The following ADPRHL1 variants were observed in gnomAD, a reference collection of about 807,000 sequenced individuals.
The protein encoded by ADPRHL1 is inactive ADP-ribosyltransferase ARH2.
Under a neutral mutation model 44.1 loss-of-function variants are expected in ADPRHL1, and 43 were observed. That is an observed-to-expected ratio of 0.98 (90% CI 0.76 to 1.26). The LOEUF (loss-of-function observed/expected upper bound fraction) is 1.26, where lower values mean the gene tolerates loss of function less well. Among genes scored for constraint, ADPRHL1 ranks in the 50% most tolerant of loss-of-function variants. The pLI is 0.00. For missense variants in ADPRHL1, 2,022 were observed against 2,496.9 expected (o/e 0.81, Z 4.05); for synonymous variants, 878 against 1,017.4 (o/e 0.86, Z 2.61).
At position 113,409,653 on chromosome 13, in the gene ADPRHL1, G is replaced by A. The variant is rs971476790; in HGVS notation, c.1062-1433C>T. On this transcript the variant is annotated intron_variant, in intron 7 of 7. Transcript: ENST00000612156. The surrounding 1 kb of genome is among the most constrained non-coding windows in gnomAD (Gnocchi z 4.2). Reference sequence around the variant, plus strand: ...TAATCTCAGCGTGATTTGGGAGGCCGAGGCTGGCAGATCACGAGGTCAGGA... The same window carrying A: ...TAATCTCAGCGTGATTTGGGAGGCCAAGGCTGGCAGATCACGAGGTCAGGA... 3.3e-5 allele frequency: 32 copies of A among 968,262 alleles called. No homozygotes were observed. Among genetic ancestry groups the A allele is most frequent in the South Asian group, 4.8e-5 (1 of 20,966 alleles). 60.0% of individuals were successfully genotyped at this position (968,262 alleles called of 1,614,324 possible).
rs1595536102 is a variant in ADPRHL1, at chr13:113,406,656, C to T, written c.2626G>A (p.Glu876Lys). The T allele has an allele frequency of 8.5e-7, 1 of 1,179,312 alleles. No individual in the cohort carries two copies. The highest frequency in any genetic ancestry group is 2.4e-5 in the African/African-American group (1 of 41,052). 73.1% of individuals were successfully genotyped at this position (1,179,312 alleles called of 1,614,324 possible). The part of the protein sequence containing the change: ...GENKPCICGG[E>K]NVVENAHTEF... Reference sequence around the variant, plus strand: ...GTGTGGGCATTTTCAACCACATTCTCTCCTCCACAAATACAAGGTTTGTTT... The same window carrying T: ...GTGTGGGCATTTTCAACCACATTCTTTCCTCCACAAATACAAGGTTTGTTT... Residue 876 changes from glutamate (E) to lysine (K), a missense_variant, in exon 8 of 8, where the codon GAG becomes AAG. Physicochemically the swap from Glu to Lys is moderately conservative, Grantham distance 56. Transcript: ENST00000612156.
rs1165545419 is a variant in ADPRHL1, at chr13:113,403,608, C to A, written c.5674G>T (p.Ala1892Ser). 8.1e-6 allele frequency: 10 copies of A among 1,231,570 alleles called. No individual in the cohort carries two copies. The highest frequency in any genetic ancestry group is 9.1e-6 in the Non-Finnish European group (9 of 987,964). 76.3% of individuals were successfully genotyped at this position (1,231,570 alleles called of 1,614,324 possible). The change falls in exon 8 of 8, where the codon GCT (alanine) becomes TCT (serine). Residue 1892 changes from alanine to serine, a missense_variant. Ala to Ser is a moderately conservative substitution (Grantham distance 99). Around this residue, in one of 8 missense-constraint regions of ADPRHL1, gnomAD observed 205 missense variants for 250.1 expected, o/e 0.82. Coordinates refer to ENST00000612156, the MANE Select transcript of ADPRHL1 (RefSeq NM_001394807.1). ...GCCTGGGGAGTCCCGCAGCCCCCAG[C>A]CTCAGGCTTGGGCTCAGTTGGGCTC... ...GKSPTEPKPE[A>S]GGCGTPQAPA...
intron 1 of ADPRHL1, among the ~76,000 whole-genome samples, chr13:113,448,701 G>C (rs1322448983): frequency 2.0e-5 from 3 of 152,206 alleles, no homozygotes; most frequent in Non-Finnish European, 2.9e-5. Context: ...CCGCCATCCT[G>C]CTGGGCCCTG....
chr13:113,418,142 G>A (rs183391173), intron 7 of ADPRHL1, among the ~76,000 whole-genome samples: 16 of 152,252 alleles, frequency 1.1e-4, no homozygotes, highest in African/African-American at 3.6e-4. Context: ...AAGCTACTCT[G>A]TGCTCATGAA....
intron 3 of ADPRHL1, 24 bp downstream of exon 3, chr13:113,433,718 C>G (rs146368435): frequency 1.3e-6 from 2 of 1,569,676 alleles, no homozygotes; most frequent in African/African-American, 2.7e-5. Flanking sequence ...GCTGACCTCC[C>G]TCCCACCCCC....
At chr13:113,415,793 T>G (rs2043884689) in intron 7 of ADPRHL1, among the ~76,000 whole-genome samples, 1 of 143,762 alleles carries the variant, frequency 7.0e-6, no homozygotes, top group Non-Finnish European at 1.5e-5. Context: ...AGAAGCAAGC[T>G]CGCCTCCTTA....
At chr13:113,444,315 G>T in intron 2 of ADPRHL1, 110 bp downstream of exon 2, 1 of 1,429,258 alleles carries the variant, frequency 7.0e-7, no homozygotes, top group Non-Finnish European at 9.6e-7. Flanking sequence ...GGCAGATCCG[G>T]CCTCACTGAA....
intron 1 of ADPRHL1, among the ~76,000 whole-genome samples, chr13:113,446,577 A>T (rs774965776): frequency 3.3e-5 from 5 of 151,550 alleles, no homozygotes; most frequent in Non-Finnish European, 7.4e-5. Context: ...GTCTACATGC[A>T]CAGTGTTGTC....
chr13:113,451,351 G>C (rs2044178306), intron 1 of ADPRHL1, among the ~76,000 whole-genome samples: 2 of 152,012 alleles, frequency 1.3e-5, no homozygotes, highest in Non-Finnish European at 2.9e-5. Flanking sequence ...TCTGTCTCTT[G>C]CCTCAGTGCC....
At position 113,405,736 on chromosome 13, in the gene ADPRHL1, C is replaced by T. The variant is rs1384197357; in HGVS notation, c.3546G>A (p.Glu1182=). Residue 1182 remains glutamate, a synonymous_variant, in exon 8 of 8, where the codon GAG becomes GAA. Transcript: ENST00000612156. ...TCCTCCCTGCTGCTCCACTCTTGGG[C>T]TCCAAGGATCCCCCAGGGGCCAGGA... The part of the protein sequence containing the change: ...HGLLAPGGSL[E]PKSGAAGRSL... 1 of 1,231,840 alleles carries T rather than the reference C, an allele frequency of 8.1e-7. No homozygotes were observed. Among genetic ancestry groups the T allele is most frequent in the South Asian group, 4.1e-5 (1 of 24,326 alleles). 76.3% of individuals were successfully genotyped at this position (1,231,840 alleles called of 1,614,324 possible). A position where few individuals can be genotyped will look rare whatever the true frequency, so the allele number is the denominator to read the frequency against.
intron 1 of ADPRHL1, chr13:113,449,365 C>T (rs1488830076): frequency 1.1e-5 from 3 of 275,818 alleles, no homozygotes; most frequent in Non-Finnish European, 1.6e-5. Context: ...GAGACACACC[C>T]GGAAGGAGGG....
intron 4 of ADPRHL1, among the ~76,000 whole-genome samples, chr13:113,425,508 A>T (rs2043961845): frequency 6.6e-6 from 1 of 151,834 alleles, no homozygotes; most frequent in South Asian, 2.1e-4. Flanking sequence ...AGTAGCTGGG[A>T]TTACAGCTGC....
chr13:113,450,912 G>A (rs1173475336), intron 1 of ADPRHL1, among the ~76,000 whole-genome samples: 4 of 151,734 alleles, frequency 2.6e-5, no homozygotes, highest in East Asian at 1.9e-4. Context: ...CACAAGAGGT[G>A]GAAGAGCAGT....
chr13:113,409,264 G>A lies in ADPRHL1; in HGVS notation c.1062-1044C>T. The A allele has an allele frequency of 2.0e-6, 2 of 981,914 alleles. No individual in the cohort carries two copies. Among genetic ancestry groups the A allele is most frequent in the Non-Finnish European group, 2.4e-6 (2 of 826,768 alleles). 60.8% of individuals were successfully genotyped at this position (981,914 alleles called of 1,614,324 possible). On this transcript the variant is annotated intron_variant, in intron 7 of 7. Coordinates refer to ENST00000612156, the MANE Select transcript of ADPRHL1 (RefSeq NM_001394807.1). This position sits in a 1 kb window ranked among gnomAD's most constrained non-coding sequence, Gnocchi z 4.2. The stretch of plus-strand genomic sequence containing the variant: ...GTGACCACAGGAGCAAAGCTGGAAG[G>A]TCTCCCCATCTGTGGCAGGGGGTGG...
Position 113,404,405 on chromosome 13 carries a change from T to A in ADPRHL1, c.4877A>T (p.Lys1626Ile), listed in dbSNP as rs2139591047. The A allele has an allele frequency of 7.6e-7, 1 of 1,322,516 alleles. No homozygotes were observed. The highest frequency in any genetic ancestry group is 3.1e-5 in the East Asian group (1 of 32,768). 81.9% of individuals were successfully genotyped at this position (1,322,516 alleles called of 1,614,324 possible). A position where few individuals can be genotyped will look rare whatever the true frequency, so the allele number is the denominator to read the frequency against. Residue 1626 changes from lysine to isoleucine, a missense_variant, in exon 8 of 8, where the codon AAA becomes ATA. By Grantham distance (102) the Lys-to-Ile change is moderately radical (BLOSUM62 -3). Transcript: ENST00000612156. ...TTTCTGGGTCTGTTCCTGAGCCCAT[T>A]TCTGGGCCTTTATCTGGGTCTGCCA... ...AQWQTQIKAQ[K>I]WAQEQTQKGA...
chr13:113,407,315 G>T lies in ADPRHL1; in HGVS notation c.1967C>A (p.Pro656His), dbSNP rs2043816483. 2 of 1,231,930 alleles carry T rather than the reference G, an allele frequency of 1.6e-6. No individual in the cohort carries two copies. The highest frequency in any genetic ancestry group is 4.2e-5 in the Admixed American group (1 of 23,708). 76.3% of individuals were successfully genotyped at this position (1,231,930 alleles called of 1,614,324 possible). A position where few individuals can be genotyped will look rare whatever the true frequency, so the allele number is the denominator to read the frequency against. The stretch of plus-strand genomic sequence containing the variant: ...GGGCCCCGTCTCCCTGGCACTAGGG[G>T]GCACGCTGGCTTCTCCTCTGGGTGG... ...RRPPRGEASV[P>H]PSARETGPSG... The change falls in exon 8 of 8, where the codon CCC becomes CAC. Residue 656 changes from proline (P) to histidine (H), a missense_variant. Physicochemically the swap from Pro to His is moderately conservative, Grantham distance 77. This residue lies in a region of ADPRHL1 where 1,221 missense variants were observed against 1,517.8 expected (regional missense o/e 0.80). Coordinates refer to ENST00000612156, the MANE Select transcript of ADPRHL1 (RefSeq NM_001394807.1).
chr13:113,406,584 C>T lies in ADPRHL1; in HGVS notation c.2698G>A (p.Val900Met). 1 of 1,232,056 alleles carries T rather than the reference C, an allele frequency of 8.1e-7. No homozygotes were observed. 76.3% of individuals were successfully genotyped at this position (1,232,056 alleles called of 1,614,324 possible). ...ATCCCTGAAAGCTTGCTCAGTTCCA[C>T]TGGGGCTCGGTGACCCCTTCTGTTC... is the stretch of plus-strand genomic sequence containing the variant. Reference protein sequence around the residue: ...TENRRGHRAPVELSKLSGMQA... With the variant: ...TENRRGHRAPMELSKLSGMQA... The change falls in exon 8 of 8, where the codon GTG becomes ATG. Residue 900 changes from valine to methionine, a missense_variant. Around this residue, in one of 8 missense-constraint regions of ADPRHL1, gnomAD observed 1,221 missense variants for 1,517.8 expected, o/e 0.80. Coordinates refer to ENST00000612156, the MANE Select transcript of ADPRHL1 (RefSeq NM_001394807.1).
chr13:113,412,071 A>G (rs973010942), intron 7 of ADPRHL1, among the ~76,000 whole-genome samples: 6 of 152,152 alleles, frequency 3.9e-5, no homozygotes, highest in African/African-American at 1.4e-4. Context: ...CTCCCGGCTC[A>G]GCATGTTCTG....
rs578233799 is a variant in ADPRHL1 at position 113,409,844 on chromosome 13, G to C, written c.1062-1624C>G. 1.6e-4 allele frequency: 136 copies of C among 832,694 alleles called. No individual in the cohort carries two copies. Among genetic ancestry groups the C allele is most frequent in the Non-Finnish European group, 1.8e-4 (126 of 700,166 alleles). 51.6% of individuals were successfully genotyped at this position (832,694 alleles called of 1,614,324 possible). ...GCAGAGCTTGCAGTGAGCCGAGATC[G>C]CACCACTGCACTCCAGCCTGAGCGA... On this transcript the variant is annotated intron_variant, in intron 7 of 7. Transcript: ENST00000612156. This position sits in a 1 kb window ranked among gnomAD's most constrained non-coding sequence, Gnocchi z 4.2.
Sources: allele counts gnomAD v4.1 joint callset (sites outside exome capture counted in the v4.1 genomes callset), GRCh38; gene constraint gnomAD v4.1.1; regional missense constraint gnomAD v4.1.1; non-coding constraint Gnocchi (gnomAD v3.1); transcripts MANE v1.5; gene names NCBI Gene and HGNC (gene_info 2026-07-23, HGNC 2026-07-21).